The following AKT3 variants were observed in gnomAD, a reference collection of about 807,000 sequenced individuals.
The protein encoded by AKT3 is AKT serine/threonine kinase 3, also known as RAC-gamma serine/threonine-protein kinase.
Under a neutral mutation model 65.3 loss-of-function variants are expected in AKT3, and 15 were observed. The ratio of observed to expected loss-of-function variants is 0.23; its 90% confidence interval spans 0.15 to 0.35. The LOEUF (loss-of-function observed/expected upper bound fraction) is 0.35. Ranked by LOEUF, AKT3 falls within the 10% of genes least tolerant of loss-of-function variation. The pLI, the probability that AKT3 is intolerant of heterozygous loss-of-function variation, is 1.00. For missense variants in AKT3, 243 were observed against 576.5 expected, an observed-to-expected ratio of 0.42 and a Z score of 5.92; for synonymous variants, 206 against 183.8, an observed-to-expected ratio of 1.12 and a Z score of -0.98.
downstream of AKT3, among the ~76,000 whole-genome samples, chr1:243,496,956 C>T (rs187680899): frequency 2.9e-3 from 439 of 152,328 alleles, 7 homozygotes; most frequent in Admixed American, 0.021. Flanking sequence ...GGCGCCCTGT[C>T]GCCCCCCTCT....
intron 2 of AKT3, among the ~76,000 whole-genome samples, chr1:243,828,717 C>T (rs910479312): frequency 6.6e-6 from 1 of 152,024 alleles, no homozygotes. Flanking sequence ...TTATGTTATC[C>T]GCGAGGCTTC....
intron 2 of AKT3, among the ~76,000 whole-genome samples, chr1:243,710,563 C>T (rs1572209976): frequency 6.6e-6 from 1 of 152,142 alleles, no homozygotes; most frequent in African/African-American, 2.4e-5. Flanking sequence ...GGTGGCTCTC[C>T]CAGGTACAAC....
At chr1:243,836,681 C>T (rs1054138361) in intron 2 of AKT3, among the ~76,000 whole-genome samples, 27 of 151,858 alleles carry the variant, frequency 1.8e-4, no homozygotes, top group African/African-American at 6.3e-4. Flanking sequence ...AAGGCCAAGG[C>T]GGGTGGATCA....
intron 2 of AKT3, among the ~76,000 whole-genome samples, chr1:243,841,568 T>C (rs1410408609): frequency 6.6e-6 from 1 of 152,170 alleles, no homozygotes; most frequent in Non-Finnish European, 1.5e-5. Flanking sequence ...CACTTGACAA[T>C]ACAAATGGTC....
At chr1:243,544,574 C>T (rs1672531415) in intron 12 of AKT3, among the ~76,000 whole-genome samples, 1 of 152,036 alleles carries the variant, frequency 6.6e-6, no homozygotes, top group African/African-American at 2.4e-5. Flanking sequence ...TGTGATCGTG[C>T]CGTGCCACTG....
chr1:243,630,583 C>T (rs369172113), intron 6 of AKT3, among the ~76,000 whole-genome samples: 5 of 152,236 alleles, frequency 3.3e-5, no homozygotes, highest in African/African-American at 1.2e-4. Context: ...TCCTCTAGGC[C>T]CATGGTGGCT....
At chr1:243,838,670 TCAG>T (rs1358940147) in intron 2 of AKT3, among the ~76,000 whole-genome samples, 1 of 152,196 alleles carries the variant, frequency 6.6e-6, no homozygotes, top group Non-Finnish European at 1.5e-5. Context: ...TATATTTTGC[TCAG>T]CAGAATTAAG....
intron 10 of AKT3, among the ~76,000 whole-genome samples, chr1:243,556,157 A>C (rs1177627071): frequency 6.6e-6 from 1 of 152,170 alleles, no homozygotes; most frequent in Non-Finnish European, 1.5e-5. Flanking sequence ...ATAAAACCTA[A>C]GACTCAAGGA....
intron 8 of AKT3, among the ~76,000 whole-genome samples, chr1:243,595,730 G>A (rs563850053): frequency 1.6e-4 from 25 of 152,224 alleles, no homozygotes; most frequent in African/African-American, 5.8e-4. Context: ...CCACTGTAAG[G>A]TCTTTCGGAG....
intron 5 of AKT3, among the ~76,000 whole-genome samples, chr1:243,643,798 T>C (rs1450930006): frequency 1.3e-5 from 2 of 152,258 alleles, no homozygotes; most frequent in Admixed American, 1.3e-4. Flanking sequence ...AGGAAATGTA[T>C]CCTATAAATT....
chr1:243,686,156 A>G (rs1684275535), intron 3 of AKT3, among the ~76,000 whole-genome samples: 1 of 152,196 alleles, frequency 6.6e-6, no homozygotes, highest in South Asian at 2.1e-4. Flanking sequence ...GAAAGGATCA[A>G]TATCGTGAAA....
Position 243,798,658 on chromosome 1 carries a change from AACAC to A in AKT3, c.46+44463_46+44466del, listed in dbSNP as rs1443871795. Among the ~76,000 whole-genome samples, 3 of 152,186 alleles carry A rather than the reference AACAC, an allele frequency of 2.0e-5. No homozygotes were observed. The East Asian group carries it at 5.8e-4, about 29-fold the overall frequency. ...ATAGCTCACTCCTAGACAGCAAACA[AACAC>A]ACTTATCTCCCCATTCTAAAAAATA... On this transcript the variant is annotated intron_variant, in intron 2 of 13. Coordinates refer to ENST00000673466, the MANE Select transcript of AKT3 (RefSeq NM_005465.7).
intron 2 of AKT3, among the ~76,000 whole-genome samples, chr1:243,800,518 G>A (rs1467171599): frequency 6.6e-6 from 1 of 152,146 alleles, no homozygotes; most frequent in Non-Finnish European, 1.5e-5. Flanking sequence ...AAGAGATCAA[G>A]ACCATCCTGG....
At chr1:243,806,635 T>C (rs1692744525) in intron 2 of AKT3, among the ~76,000 whole-genome samples, 1 of 152,202 alleles carries the variant, frequency 6.6e-6, no homozygotes, top group African/African-American at 2.4e-5. Flanking sequence ...CTAGTGTGAT[T>C]CCTTGTACCT....
intron 8 of AKT3, among the ~76,000 whole-genome samples, chr1:243,610,579 C>T (rs1677797438): frequency 6.6e-6 from 1 of 152,228 alleles, no homozygotes; most frequent in East Asian, 1.9e-4. Flanking sequence ...ATTCATCCAA[C>T]CATTTATTTG....
chr1:243,731,319 G>A (rs1455990298), intron 2 of AKT3, among the ~76,000 whole-genome samples: 1 of 152,096 alleles, frequency 6.6e-6, no homozygotes, highest in African/African-American at 2.4e-5. Context: ...CAATAATAAG[G>A]CAATAGAGAA....
At chr1:243,702,903 A>G (rs1308684730) in intron 2 of AKT3, 1 of 152,212 alleles carries the variant, frequency 6.6e-6, no homozygotes, top group Non-Finnish European at 1.5e-5. Flanking sequence ...ACAGTACCAT[A>G]AAAATATAAA....
intron 2 of AKT3, among the ~76,000 whole-genome samples, chr1:243,767,364 TAGAGA>T (rs1689895751): frequency 6.6e-6 from 1 of 152,144 alleles, no homozygotes; most frequent in Admixed American, 6.5e-5. Flanking sequence ...TCAGTGGCTA[TAGAGA>T]AGAGTTTTAT....
rs2148507635 is a variant in AKT3 at position 243,573,011 on chromosome 1, T to A, written c.734A>T (p.Glu245Val). The A allele has an allele frequency of 6.2e-7, 1 of 1,613,432 alleles. No homozygotes were observed. Among genetic ancestry groups the A allele is most frequent in the Non-Finnish European group, 8.5e-7 (1 of 1,179,602 alleles). Residue 245 changes from glutamate to valine, a missense_variant, in exon 9 of 14, where the codon GAG becomes GTG. Around this residue, in one of 6 missense-constraint regions of AKT3, gnomAD observed 61 missense variants for 163.3 expected, o/e 0.37. Coordinates refer to ENST00000673466, the MANE Select transcript of AKT3 (RefSeq NM_005465.7). Reference protein sequence around the residue: ...FHLSRERVFSEDRTRFYGAEI... With the variant: ...FHLSRERVFSVDRTRFYGAEI... ...TGCACCATAGAAACGTGTGCGGTCCTCAGAGAACACCCGCTCTCTCGACAA... is the reference window on the plus strand; with the variant it reads ...TGCACCATAGAAACGTGTGCGGTCCACAGAGAACACCCGCTCTCTCGACAA...
Sources: allele counts gnomAD v4.1 joint callset (sites outside exome capture counted in the v4.1 genomes callset), GRCh38; gene constraint gnomAD v4.1.1; regional missense constraint gnomAD v4.1.1; transcripts MANE v1.5; gene names NCBI Gene and HGNC (gene_info 2026-07-23, HGNC 2026-07-21).